Variants in CTNNA3 observed in about 807,000 individuals in gnomAD.
CTNNA3 encodes the protein catenin alpha-3.
CTNNA3 carries 76 observed loss-of-function variants against 95.7 expected under a neutral mutation model. The observed-to-expected ratio is 0.79, with a 90% CI of 0.66 to 0.96. The LOEUF is 0.96. Among genes scored for constraint, CTNNA3 ranks in the 40% least tolerant of loss-of-function variants. The pLI is 0.00. For missense variants in CTNNA3, 1,191 were observed against 1,089.8 expected, an observed-to-expected ratio of 1.09 and a Z score of -1.31; for synonymous variants, 431 against 374.4, an observed-to-expected ratio of 1.15 and a Z score of -1.74.
At chr10:66,868,897 T>C (rs189273298) in intron 7 of CTNNA3, among the ~76,000 whole-genome samples, 27 of 152,258 alleles carry the variant, frequency 1.8e-4, no homozygotes, top group Admixed American at 7.2e-4. Flanking sequence ...GATGAGCTCA[T>C]AGGAGTTTTA....
chr10:66,253,336 C>T (rs1311681702), intron 13 of CTNNA3, among the ~76,000 whole-genome samples: 1 of 151,924 alleles, frequency 6.6e-6, no homozygotes, highest in African/African-American at 2.4e-5. Flanking sequence ...CAAAAGGCTC[C>T]TGCAGGCCTC....
In CTNNA3 at chr10:66,792,341, T is replaced by A. The variant is rs558730324; in HGVS notation, c.1048-16817A>T. Among the ~76,000 whole-genome samples, 6 of 152,326 alleles carry A rather than the reference T, an allele frequency of 3.9e-5. No individual in the cohort carries two copies. The South Asian group carries it at 8.3e-4, about 21-fold the overall frequency. Reference sequence around the variant, plus strand: ...CAGCATCAATAATTCAGATAAAGCATATTTTTTAAGTGTCCTAGAGTATTA... The same window carrying A: ...CAGCATCAATAATTCAGATAAAGCAAATTTTTTAAGTGTCCTAGAGTATTA... On this transcript the variant is annotated intron_variant, in intron 7 of 17. Coordinates refer to ENST00000433211, the MANE Select transcript of CTNNA3 (RefSeq NM_013266.4).
rs148553570 is a variant in CTNNA3 at position 66,795,037 on chromosome 10, T to C, written c.1048-19513A>G. Among the ~76,000 whole-genome samples the C allele has an allele frequency of 8.4e-4, 128 of 152,286 alleles. 1 individual carries two copies. The highest frequency in any genetic ancestry group is 2.8e-3 in the African/African-American group (115 of 41,564). ...TCCTCAGTTACTTTCACCATTGAAG[T>C]CTTGAAGCCCTTGAACTCATCCATG... On this transcript the variant is annotated intron_variant, in intron 7 of 17. Transcript: ENST00000433211.
chr10:66,197,150 C>A (rs1235989503), intron 13 of CTNNA3, among the ~76,000 whole-genome samples: 1 of 152,110 alleles, frequency 6.6e-6, no homozygotes, highest in Non-Finnish European at 1.5e-5. Context: ...TGAGAATAAT[C>A]ACCTACAAAC....
intron 5 of CTNNA3, among the ~76,000 whole-genome samples, chr10:67,400,162 T>A (rs1844866751): frequency 7.1e-6 from 1 of 140,484 alleles, no homozygotes; most frequent in African/African-American, 2.7e-5. Context: ...ATCTTTAAAA[T>A]CACAGAAACT....
At chr10:67,093,964 C>G (rs1422995694) in intron 7 of CTNNA3, among the ~76,000 whole-genome samples, 1 of 151,904 alleles carries the variant, frequency 6.6e-6, no homozygotes, top group Non-Finnish European at 1.5e-5. Context: ...TGATGTCAGG[C>G]AGCAGGTAGT....
chr10:67,036,420 C>T (rs1028292391), intron 7 of CTNNA3, among the ~76,000 whole-genome samples: 1 of 152,132 alleles, frequency 6.6e-6, no homozygotes. Flanking sequence ...AACCCCAGCA[C>T]TTTGGAAGGC....
At chr10:66,645,519 T>A in intron 9 of CTNNA3, among the ~76,000 whole-genome samples, 1 of 152,278 alleles carries the variant, frequency 6.6e-6, no homozygotes, top group African/African-American at 2.4e-5. Context: ...GTGTTGAATA[T>A]ACAGATTTTT....
Position 66,491,493 on chromosome 10 carries a change from T to C in CTNNA3, c.1531+29124A>G, listed in dbSNP as rs111585985. The stretch of plus-strand genomic sequence containing the variant: ...CCAAAGAAATGCACAGAATTAAATG[T>C]AATGACCATTTTATTTTTAAAATTA... On this transcript the variant is annotated intron_variant, in intron 11 of 17. Transcript: ENST00000433211. 2.4e-3 allele frequency among the ~76,000 whole-genome samples: 368 copies of C among 152,314 alleles called. 1 individual carries two copies. The highest frequency in any genetic ancestry group is 4.1e-3 in the Non-Finnish European group (280 of 68,018).
intron 5 of CTNNA3, among the ~76,000 whole-genome samples, chr10:67,482,306 G>A (rs1291439326): frequency 2.0e-5 from 3 of 152,248 alleles, no homozygotes; most frequent in South Asian, 2.1e-4. Context: ...GTAGCTTGAT[G>A]GGGATGGCAT....
intron 7 of CTNNA3, among the ~76,000 whole-genome samples, chr10:67,061,846 A>T (rs1855772933): frequency 1.3e-5 from 2 of 152,238 alleles, no homozygotes; most frequent in African/African-American, 4.8e-5. Context: ...GAGGGAGAAT[A>T]TTTAACATTA....
chr10:66,818,644 G>T (rs748572831), intron 7 of CTNNA3, among the ~76,000 whole-genome samples: 2 of 152,080 alleles, frequency 1.3e-5, no homozygotes, highest in Non-Finnish European at 2.9e-5. Flanking sequence ...TGGATTGGAA[G>T]AATTAATATT....
At chr10:67,726,817 G>T (rs749513256) in intron 1 of CTNNA3, among the ~76,000 whole-genome samples, 3,721 of 78,908 alleles carry the variant, frequency 0.047, 73 homozygotes, top group Middle Eastern at 0.11. Context: ...ATATATTATA[G>T]ATATCTATGT....
At chr10:66,543,332 C>A (rs1841925156) in intron 10 of CTNNA3, among the ~76,000 whole-genome samples, 1 of 152,056 alleles carries the variant, frequency 6.6e-6, no homozygotes, top group African/African-American at 2.4e-5. Context: ...CCTCGTGATC[C>A]ACCCACCTCA....
chr10:66,683,427 G>A (rs1374318920), intron 9 of CTNNA3, among the ~76,000 whole-genome samples: 4 of 152,060 alleles, frequency 2.6e-5, no homozygotes, highest in African/African-American at 7.2e-5. Context: ...ATTAAACTTT[G>A]TAATGCTCTC....
intron 13 of CTNNA3, among the ~76,000 whole-genome samples, chr10:66,207,438 A>C (rs1039318268): frequency 1.3e-5 from 2 of 151,986 alleles, no homozygotes; most frequent in Admixed American, 6.6e-5. Context: ...AGTATTTAAA[A>C]TACACAATAT....
intron 5 of CTNNA3, among the ~76,000 whole-genome samples, chr10:67,503,932 C>A (rs557347654): frequency 1.3e-5 from 2 of 151,418 alleles, no homozygotes; most frequent in Non-Finnish European, 1.5e-5. Flanking sequence ...CCAAGGCGGG[C>A]GGATCACAAG....
chr10:67,499,086 C>A (rs560941102), intron 5 of CTNNA3, among the ~76,000 whole-genome samples: 4 of 152,084 alleles, frequency 2.6e-5, no homozygotes, highest in Non-Finnish European at 5.9e-5. Flanking sequence ...ATAAATAGCT[C>A]TTACTATTTT....
chr10:67,234,121 C>A (rs1234403743), intron 5 of CTNNA3, among the ~76,000 whole-genome samples: 1 of 152,142 alleles, frequency 6.6e-6, no homozygotes, highest in African/African-American at 2.4e-5. Context: ...TGAAACTATT[C>A]CAATCAATAG....
Sources: gnomAD v4.1 joint callset for allele counts (sites outside exome capture counted in the v4.1 genomes callset) on GRCh38, gnomAD v4.1.1 for gene constraint, MANE v1.5 for transcripts, NCBI Gene and HGNC (gene_info 2026-07-23, HGNC 2026-07-21) for gene names.